SNTB1: variants seen among roughly 807,000 people sequenced by gnomAD.
The protein encoded by SNTB1 is syntrophin beta 1, also known as beta-1-syntrophin.
SNTB1 carries 36 observed loss-of-function variants against 48.9 expected under a neutral mutation model. That is an observed-to-expected ratio of 0.74 (90% confidence interval 0.56 to 0.97). The LOEUF is 0.97. Ranked by LOEUF, SNTB1 falls within the 50% of genes least tolerant of loss-of-function variation. The pLI, the probability that SNTB1 is intolerant of heterozygous loss-of-function variation, is 0.00. For synonymous variants in SNTB1, 299 were observed against 294.6 expected (o/e 1.01, Z -0.15); for missense variants, 786 against 703.4 (o/e 1.12, Z -1.33).
intron 2 of SNTB1, among the ~76,000 whole-genome samples, chr8:120,644,492 T>A (rs1243875362): frequency 1.3e-5 from 2 of 152,152 alleles, no homozygotes; most frequent in East Asian, 3.9e-4. Context: ...GGACATGAAC[T>A]CATCATTTTT....
chr8:120,553,302 A>G (rs1404751548), intron 4 of SNTB1, among the ~76,000 whole-genome samples: 1 of 152,242 alleles, frequency 6.6e-6, no homozygotes, highest in Admixed American at 6.5e-5. Flanking sequence ...TTGATTTGCC[A>G]TCTGAGGAAC....
chr8:120,787,985 T>A (rs1819954367), intron 1 of SNTB1, among the ~76,000 whole-genome samples: 1 of 152,092 alleles, frequency 6.6e-6, no homozygotes, highest in East Asian at 1.9e-4. Context: ...GACAAAAGCA[T>A]CAGGTAACCT....
intron 4 of SNTB1, among the ~76,000 whole-genome samples, chr8:120,572,266 G>A (rs1358467745): frequency 1.3e-5 from 2 of 152,132 alleles, no homozygotes; most frequent in African/African-American, 2.4e-5. Context: ...TGTCCACTAC[G>A]CTTTGTCTCT....
intron 1 of SNTB1, among the ~76,000 whole-genome samples, chr8:120,758,419 A>T (rs748887103): frequency 1.2e-4 from 18 of 152,164 alleles, no homozygotes; most frequent in African/African-American, 4.1e-4. Flanking sequence ...GTGACTTTAC[A>T]TTGAGTTAGA....
chr8:120,687,123 A>G (rs1818047866), intron 2 of SNTB1, among the ~76,000 whole-genome samples: 1 of 152,232 alleles, frequency 6.6e-6, no homozygotes, highest in Admixed American at 6.5e-5. Flanking sequence ...ATAAAACATG[A>G]GGGGGCAATA....
intron 3 of SNTB1, among the ~76,000 whole-genome samples, chr8:120,600,026 G>C (rs1222104770): frequency 1.3e-5 from 2 of 152,170 alleles, no homozygotes; most frequent in African/African-American, 4.8e-5. Context: ...ACATGATCTA[G>C]CTCCTCAAAA....
chr8:120,698,673 A>AG (rs1339402342), intron 1 of SNTB1, among the ~76,000 whole-genome samples: 1 of 152,194 alleles, frequency 6.6e-6, no homozygotes, highest in Non-Finnish European at 1.5e-5. Flanking sequence ...CATTTTTACA[A>AG]GGCTTGGCTA....
In SNTB1 at chr8:120,812,022, C is replaced by T; in HGVS notation, c.-179G>A. ...CGCACTCGGCGGGAGTTGGCAGCTG[C>T]ACTCAGGCTGGTTCCCCCTCGCCTG... On this transcript the variant is annotated 5_prime_UTR_variant, in exon 1 of 7. Coordinates refer to ENST00000517992, the MANE Select transcript of SNTB1 (RefSeq NM_021021.4). 2 of 1,265,280 alleles carry T rather than the reference C, an allele frequency of 1.6e-6. No individual in the cohort carries two copies. Among genetic ancestry groups the T allele is most frequent in the South Asian group, 3.0e-5 (1 of 32,970 alleles). The allele number at this position is 1,265,280 out of a possible 1,614,324, so 78.4% of individuals were successfully genotyped here.
intron 4 of SNTB1, among the ~76,000 whole-genome samples, chr8:120,569,736 C>T (rs996052460): frequency 2.6e-5 from 4 of 152,206 alleles, no homozygotes; most frequent in African/African-American, 9.7e-5. Flanking sequence ...TAGATCTGTG[C>T]TGTTCGAAAT....
intron 2 of SNTB1, among the ~76,000 whole-genome samples, chr8:120,662,083 C>G (rs1817597941): frequency 1.3e-5 from 2 of 151,886 alleles, no homozygotes; most frequent in African/African-American, 4.8e-5. Flanking sequence ...TCTGTGGAAG[C>G]CTTTGCTCAA....
At chr8:120,711,462 TG>T (rs1818462632) in intron 1 of SNTB1, among the ~76,000 whole-genome samples, 2 of 152,192 alleles carry the variant, frequency 1.3e-5, no homozygotes, top group Admixed American at 1.3e-4. Flanking sequence ...GTGTTACAGA[TG>T]AACACTCTTA....
At chr8:120,648,986 C>T (rs1489442578) in intron 2 of SNTB1, among the ~76,000 whole-genome samples, 5 of 149,378 alleles carry the variant, frequency 3.3e-5, no homozygotes, top group South Asian at 2.2e-4. Flanking sequence ...GCATTCTTCA[C>T]GTAGTTCTCG....
chr8:120,596,989 A>T (rs1184494595), intron 3 of SNTB1, among the ~76,000 whole-genome samples: 1 of 152,162 alleles, frequency 6.6e-6, no homozygotes, highest in East Asian at 1.9e-4. Flanking sequence ...AATACCTGGA[A>T]CCTGTGCTAC....
At chr8:120,650,157 C>T (rs201573894) in intron 2 of SNTB1, among the ~76,000 whole-genome samples, 14 of 152,156 alleles carry the variant, frequency 9.2e-5, no homozygotes, top group Admixed American at 3.3e-4. Context: ...AGCTGTAGAC[C>T]GGAGCTGTTC....
rs146026160 is a variant in SNTB1 at position 120,680,697 on chromosome 8, G to A, written c.788+12995C>T. 7.7e-3 allele frequency among the ~76,000 whole-genome samples: 1,169 copies of A among 152,236 alleles called. 6 individuals carry two copies. The highest frequency in any genetic ancestry group is 0.01 in the South Asian group (50 of 4,820). ...TGATAGCATTGGAGTTATTTTCAGAGGCATCATTATCTCTGCTTGAAAATC... is the reference window on the plus strand; with the variant it reads ...TGATAGCATTGGAGTTATTTTCAGAAGCATCATTATCTCTGCTTGAAAATC... On this transcript the variant is annotated intron_variant, in intron 2 of 6. Transcript: ENST00000517992.
intron 4 of SNTB1, among the ~76,000 whole-genome samples, chr8:120,566,101 T>C (rs1815744202): frequency 6.6e-6 from 1 of 152,008 alleles, no homozygotes; most frequent in African/African-American, 2.4e-5. Context: ...GTGTCTCTAT[T>C]AAATACAGAA....
intron 3 of SNTB1, among the ~76,000 whole-genome samples, chr8:120,610,797 C>G (rs183882598): frequency 2.8e-4 from 43 of 152,244 alleles, no homozygotes; most frequent in Admixed American, 1.8e-3. Context: ...TGTTAAGAGA[C>G]TGCTTTTCCC....
rs535714122 is a variant in SNTB1, at chr8:120,718,012, G to A, written c.572-24104C>T. Among the ~76,000 whole-genome samples, 4 of 152,298 alleles carry A rather than the reference G, an allele frequency of 2.6e-5. No individual in the cohort carries two copies. The South Asian group carries it at 8.3e-4, about 32-fold the overall frequency. The stretch of plus-strand genomic sequence containing the variant: ...GAGGCCTTTGTCCCTTTTATTCTTA[G>A]AGGGCTGTGCTCTGGTATTTTGCTG... On this transcript the variant is annotated intron_variant, in intron 1 of 6. Transcript: ENST00000517992.
At chr8:120,717,569 A>C (rs1033417639) in intron 1 of SNTB1, among the ~76,000 whole-genome samples, 2 of 152,210 alleles carry the variant, frequency 1.3e-5, no homozygotes, top group African/African-American at 4.8e-5. Context: ...CGAAGCACTG[A>C]GGTTGCCTTT....
Sources: allele counts gnomAD v4.1 joint callset (sites outside exome capture counted in the v4.1 genomes callset), GRCh38; gene constraint gnomAD v4.1.1; transcripts MANE v1.5; gene names NCBI Gene and HGNC (gene_info 2026-07-23, HGNC 2026-07-21).